Variants in ZC3H14 observed in about 807,000 individuals in gnomAD.
The protein encoded by ZC3H14 is zinc finger CCCH domain-containing protein 14.
A neutral mutation model predicts 92.4 loss-of-function variants in ZC3H14; 31 were observed. The observed-to-expected ratio is 0.34, with a 90% CI of 0.25 to 0.45. The LOEUF (loss-of-function observed/expected upper bound fraction) is 0.45. ZC3H14 is among the 20% of genes least tolerant of loss of function. ZC3H14 has a pLI of 1.00. For missense variants in ZC3H14, 781 were observed against 897.3 expected, an observed-to-expected ratio of 0.87 and a Z score of 1.66; for synonymous variants, 321 against 300.9, an observed-to-expected ratio of 1.07 and a Z score of -0.69.
intron 13 of ZC3H14, among the ~76,000 whole-genome samples, chr14:88,607,912 C>T (rs570733028): frequency 8.7e-6 from 1 of 115,152 alleles, no homozygotes; most frequent in South Asian, 3.3e-4. Context: ...GTATCATCCC[C>T]CACCTCACCC....
intron 2 of ZC3H14, among the ~76,000 whole-genome samples, chr14:88,564,250 C>CCT (rs1208307626): frequency 6.6e-6 from 1 of 152,020 alleles, no homozygotes; most frequent in Non-Finnish European, 1.5e-5. Context: ...TTATGTTTTC[C>CCT]CTCTCTCTCT....
chr14:88,574,621 A>G, intron 6 of ZC3H14, 72 bp from the exon 7 acceptor site: 1 of 1,580,604 alleles, frequency 6.3e-7, no homozygotes, highest in Non-Finnish European at 8.7e-7. Context: ...TTTTCTTAAA[A>G]TGGAAACATT....
Position 88,626,969 on chromosome 14 carries a change from A to C in ZC3H14, c.*15218A>C. On this transcript the variant is annotated 3_prime_UTR_variant, in exon 17 of 17. Coordinates refer to ENST00000251038, the MANE Select transcript of ZC3H14 (RefSeq NM_024824.5). ...ACATGTTTTACTCCCACTGAGACAA[A>C]CTGGGTATCTGAATCTGGTCGGAAT... 6.2e-7 allele frequency: 1 copy of C among 1,613,984 alleles called. No homozygotes were observed. The highest frequency in any genetic ancestry group is 1.1e-5 in the South Asian group (1 of 91,076).
intron 8 of ZC3H14, among the ~76,000 whole-genome samples, chr14:88,577,012 C>T (rs569658512): frequency 1.3e-5 from 2 of 152,106 alleles, no homozygotes; most frequent in South Asian, 2.1e-4. Flanking sequence ...AGGCTGGTCT[C>T]GTACTCCTGA....
chr14:88,611,055 T>C (rs2086619819), intron 16 of ZC3H14, 115 bp downstream of exon 16: 1 of 1,052,656 alleles, frequency 9.5e-7, no homozygotes, highest in Non-Finnish European at 1.4e-6. Context: ...TGAATTTTTT[T>C]CTTTGCTGTT....
rs1210591129 is a variant in ZC3H14 at position 88,618,259 on chromosome 14, T to C, written c.*6508T>C. ...CATGTAGCCCAAGTAATTCTGTCAATAGCGGCATGATCCATAAGATGTTTT... is the reference window on the plus strand; with the variant it reads ...CATGTAGCCCAAGTAATTCTGTCAACAGCGGCATGATCCATAAGATGTTTT... On this transcript the variant is annotated 3_prime_UTR_variant, in exon 17 of 17. Transcript: ENST00000251038. 5 of 1,613,802 alleles carry C rather than the reference T, an allele frequency of 3.1e-6. No homozygotes were observed. The highest frequency in any genetic ancestry group is 4.2e-6 in the Non-Finnish European group (5 of 1,179,838).
chr14:88,616,699 A>G lies in ZC3H14; in HGVS notation c.*4948A>G. The G allele has an allele frequency of 3.1e-6, 5 of 1,598,958 alleles. No homozygotes were observed. The highest frequency in any genetic ancestry group is 4.3e-6 in the Non-Finnish European group (5 of 1,171,008). ...AGACATCAAAATTAGGAGTAAACTG[A>G]TAATAGTAAACAAAACACAAACTTA... On this transcript the variant is annotated 3_prime_UTR_variant, in exon 17 of 17. Transcript: ENST00000251038.
chr14:88,609,182 G>T, intron 13 of ZC3H14, 85 bp from the exon 14 acceptor site: 1 of 1,533,434 alleles, frequency 6.5e-7, no homozygotes, highest in South Asian at 1.1e-5. Context: ...AAGTAGTGAT[G>T]GGGAGTGTAA....
At position 88,601,996 on chromosome 14, in the gene ZC3H14, A is replaced by G. The variant is rs1346502212; in HGVS notation, c.1427A>G (p.Glu476Gly). The G allele has an allele frequency of 6.2e-7, 1 of 1,614,182 alleles. No individual in the cohort carries two copies. Residue 476 changes from glutamate (E) to glycine (G), a missense_variant, in exon 11 of 17, where the codon GAG (glutamate) becomes GGG (glycine). Transcript: ENST00000251038. ...ATTCTGAAGAAGCCAAAGCTGTCTG[A>G]GGAAGTAGTAGTGGCACCAAACCAA... The part of the protein sequence containing the change: ...SFILKKPKLS[E>G]EVVVAPNQES...
intron 3 of ZC3H14, among the ~76,000 whole-genome samples, chr14:88,570,656 T>A (rs1389100950): frequency 6.6e-6 from 1 of 152,214 alleles, no homozygotes; most frequent in African/African-American, 2.4e-5. Flanking sequence ...AGACTAAGAC[T>A]GGTCAGATGA....
rs764380858 is a variant in ZC3H14, at chr14:88,616,002, T to C, written c.*4251T>C. 2.8e-5 allele frequency: 36 copies of C among 1,267,868 alleles called. No individual in the cohort carries two copies. Among genetic ancestry groups the C allele is most frequent in the Non-Finnish European group, 3.6e-5 (32 of 898,530 alleles). 78.5% of individuals were successfully genotyped at this position (1,267,868 alleles called of 1,614,324 possible). A position where few individuals can be genotyped will look rare whatever the true frequency, so the allele number is the denominator to read the frequency against. ...ATTCTGTATTTGCATAAATATGAGA[T>C]TCTGAAGAGCCATCTGGTTATACTA... On this transcript the variant is annotated 3_prime_UTR_variant, in exon 17 of 17. Coordinates refer to ENST00000251038, the MANE Select transcript of ZC3H14 (RefSeq NM_024824.5).
intron 11 of ZC3H14, 118 bp from the exon 12 acceptor site, chr14:88,602,710 T>C (rs2084826789): frequency 9.0e-7 from 1 of 1,109,756 alleles, no homozygotes; most frequent in Non-Finnish European, 1.3e-6. Context: ...CCTAGTCTTT[T>C]TTTATTGAAC....
chr14:88,598,036 GTCTGAAAGGTGGTTTTGACATTTTTCCCC>G lies in ZC3H14; in HGVS notation c.1354+1231_1354+1259del, dbSNP rs544388683. Among the ~76,000 whole-genome samples the G allele has an allele frequency of 1.1e-4, 17 of 152,124 alleles. No individual in the cohort carries two copies. In the South Asian group the frequency reaches 3.5e-3, roughly 32 times the overall value. ...CAATACTCTTTGTTATTTCTCTGTG[GTCTGAAAGGTGGTTTTGACATTTTTCCCC>G]TCCCTGCTTCGTCTTGTTTTCTCTA... On this transcript the variant is annotated intron_variant, in intron 10 of 16. Coordinates refer to ENST00000251038, the MANE Select transcript of ZC3H14 (RefSeq NM_024824.5).
chr14:88,566,746 C>T (rs2079679269), intron 2 of ZC3H14, among the ~76,000 whole-genome samples: 1 of 151,954 alleles, frequency 6.6e-6, no homozygotes, highest in African/African-American at 2.4e-5. Context: ...ATGCTGAAAC[C>T]TGGTGTCTAC....
chr14:88,571,138 CT>C lies in ZC3H14; in HGVS notation c.235+24del, dbSNP rs1555396623. 359 of 1,458,096 alleles carry C rather than the reference CT, an allele frequency of 2.5e-4. No individual in the cohort carries two copies. The highest frequency in any genetic ancestry group is 1.0e-3 in the South Asian group (82 of 79,250). The allele number at this position is 1,458,096 out of a possible 1,614,324, so 90.3% of individuals were successfully genotyped here. On this transcript the variant is annotated intron_variant, in intron 4 of 16. Transcript: ENST00000251038. The stretch of plus-strand genomic sequence containing the variant: ...CTGTTACAACTGGTAAGATTCATAA[CT>C]TTTTTTTTTAATTTCTGCTTGCTAT...
At chr14:88,572,359 A>G in intron 5 of ZC3H14, 134 bp downstream of exon 5, 1 of 1,132,410 alleles carries the variant, frequency 8.8e-7, no homozygotes, top group East Asian at 2.6e-5. Context: ...TAGTTTTTTG[A>G]ATAAAATAAT....
intron 10 of ZC3H14, among the ~76,000 whole-genome samples, chr14:88,600,843 C>G (rs999814557): frequency 6.6e-6 from 1 of 152,262 alleles, no homozygotes; most frequent in East Asian, 1.9e-4. Flanking sequence ...TTGGTATGTA[C>G]TGCTGAGCCC....
At position 88,626,039 on chromosome 14, in the gene ZC3H14, T is replaced by C. The variant is rs549862772; in HGVS notation, c.*14288T>C. The C allele has an allele frequency of 6.6e-6, 1 of 152,340 alleles. No homozygotes were observed. Among genetic ancestry groups the C allele is most frequent in the South Asian group, 2.1e-4 (1 of 4,822 alleles). The allele number at this position is 152,340 out of a possible 1,614,324, so 9.4% of individuals were successfully genotyped here. On this transcript the variant is annotated 3_prime_UTR_variant, in exon 17 of 17. Coordinates refer to ENST00000251038, the MANE Select transcript of ZC3H14 (RefSeq NM_024824.5). ...TCTGTCAGGGCCAGGAATTGTGCTA[T>C]TTCCTTCTGTCTCACTACCTCCTTC... is the stretch of plus-strand genomic sequence containing the variant.
Position 88,616,321 on chromosome 14 carries a change from T to G in ZC3H14, c.*4570T>G. On this transcript the variant is annotated 3_prime_UTR_variant, in exon 17 of 17. Coordinates refer to ENST00000251038, the MANE Select transcript of ZC3H14 (RefSeq NM_024824.5). Reference sequence around the variant, plus strand: ...GGCTCTTATTAGGAACTATAATCTCTATGACAAGAGCTGTGGAGAGAGTAG... The same window carrying G: ...GGCTCTTATTAGGAACTATAATCTCGATGACAAGAGCTGTGGAGAGAGTAG... 2.3e-4 allele frequency: 304 copies of G among 1,333,146 alleles called. No individual in the cohort carries two copies. Among genetic ancestry groups the G allele is most frequent in the Non-Finnish European group, 2.9e-4 (270 of 927,616 alleles). 82.6% of individuals were successfully genotyped at this position (1,333,146 alleles called of 1,614,324 possible).
Sources: allele counts gnomAD v4.1 joint callset (sites outside exome capture counted in the v4.1 genomes callset), GRCh38; gene constraint gnomAD v4.1.1; transcripts MANE v1.5; gene names NCBI Gene and HGNC (gene_info 2026-07-23, HGNC 2026-07-21).